The following EXOC6B variants were observed in gnomAD, a reference collection of about 807,000 sequenced individuals.
The protein encoded by EXOC6B is exocyst complex component 6B, also known as SEC15 homolog B.
A neutral mutation model predicts 113.5 loss-of-function variants in EXOC6B; 54 were observed. The ratio of observed to expected loss-of-function variants is 0.48; its 90% CI spans 0.38 to 0.60. The LOEUF is 0.60. Ranked by LOEUF, EXOC6B falls within the 20% of genes least tolerant of loss-of-function variation. The pLI is 0.00. For missense variants in EXOC6B, 797 were observed against 977.5 expected, an observed-to-expected ratio of 0.82 and a Z score of 2.46; for synonymous variants, 357 against 339.0, an observed-to-expected ratio of 1.05 and a Z score of -0.58.
intron 18 of EXOC6B, among the ~76,000 whole-genome samples, chr2:72,385,762 TACA>T (rs959759405): frequency 6.6e-6 from 1 of 152,108 alleles, no homozygotes; most frequent in African/African-American, 2.4e-5. Context: ...TGAAAACATG[TACA>T]ACATCACTAG....
chr2:72,699,949 T>A (rs1260353091), intron 6 of EXOC6B, among the ~76,000 whole-genome samples: 1 of 152,168 alleles, frequency 6.6e-6, no homozygotes, highest in Admixed American at 6.5e-5. Context: ...CAAATACCAG[T>A]ATCTGTGGAT....
At chr2:72,655,535 G>A (rs1228826016) in intron 6 of EXOC6B, among the ~76,000 whole-genome samples, 1 of 151,920 alleles carries the variant, frequency 6.6e-6, no homozygotes, top group African/African-American at 2.4e-5. Flanking sequence ...ATTTACGGTG[G>A]TTCCAAAACA....
intron 6 of EXOC6B, among the ~76,000 whole-genome samples, chr2:72,643,814 T>A (rs1365058336): frequency 2.9e-5 from 4 of 136,362 alleles, no homozygotes; most frequent in East Asian, 4.0e-4. Context: ...AATTAAAAAA[T>A]AAATAAATAA....
At chr2:72,664,073 C>T (rs548579204) in intron 6 of EXOC6B, among the ~76,000 whole-genome samples, 9 of 152,016 alleles carry the variant, frequency 5.9e-5, no homozygotes, top group African/African-American at 1.2e-4. Context: ...CTCTGGGAGA[C>T]GAGGCAGGAA....
intron 18 of EXOC6B, among the ~76,000 whole-genome samples, chr2:72,421,886 C>T (rs1032769098): frequency 2.0e-5 from 3 of 152,330 alleles, no homozygotes; most frequent in Non-Finnish European, 2.9e-5. Context: ...GCTGGAGTTC[C>T]GGGTGGGCAT....
chr2:72,704,621 C>T (rs994585835), intron 6 of EXOC6B, among the ~76,000 whole-genome samples: 101 of 152,042 alleles, frequency 6.6e-4, no homozygotes, highest in African/African-American at 2.3e-3. Flanking sequence ...ATCAAATAGA[C>T]GCAATAAAAA....
chr2:72,601,288 T>G (rs1187971746), intron 6 of EXOC6B, among the ~76,000 whole-genome samples: 1 of 152,050 alleles, frequency 6.6e-6, no homozygotes, highest in Non-Finnish European at 1.5e-5. Flanking sequence ...GTTCACACCA[T>G]TCTCCTGCCT....
intron 20 of EXOC6B, among the ~76,000 whole-genome samples, chr2:72,202,622 G>A (rs1679555527): frequency 6.6e-6 from 1 of 151,718 alleles, no homozygotes. Context: ...TTTATACCAT[G>A]AGCAAGCTGT....
At chr2:72,362,653 T>C (rs1397062952) in intron 19 of EXOC6B, among the ~76,000 whole-genome samples, 4 of 152,126 alleles carry the variant, frequency 2.6e-5, no homozygotes, top group African/African-American at 7.2e-5. Context: ...ATCATACAAA[T>C]ATATGCTGAG....
intron 11 of EXOC6B, among the ~76,000 whole-genome samples, chr2:72,511,898 T>C (rs1490420804): frequency 2.0e-5 from 3 of 152,244 alleles, no homozygotes; most frequent in Admixed American, 6.5e-5. Flanking sequence ...TGGATGATTT[T>C]TAAGTTTCTA....
At chr2:72,540,342 A>C (rs1185074297) in intron 8 of EXOC6B, among the ~76,000 whole-genome samples, 6 of 152,146 alleles carry the variant, frequency 3.9e-5, no homozygotes, top group African/African-American at 1.4e-4. Flanking sequence ...TTACAGAAAA[A>C]TTATAAGGAG....
At chr2:72,403,809 A>G (rs1693518415) in intron 18 of EXOC6B, among the ~76,000 whole-genome samples, 1 of 152,198 alleles carries the variant, frequency 6.6e-6, no homozygotes, top group Non-Finnish European at 1.5e-5. Context: ...TGATTTCTGC[A>G]TTTCCAACTG....
rs182063885 is a variant in EXOC6B, at chr2:72,632,350, T to A, written c.670-56682A>T. ...CTCTCTGAAAGAATCAGTAAAAATG[T>A]AAATGTAAAATATCAATTTGGAAAA... On this transcript the variant is annotated intron_variant, in intron 6 of 21. Transcript: ENST00000272427. Among the ~76,000 whole-genome samples the A allele has an allele frequency of 2.0e-5, 3 of 152,308 alleles. No individual in the cohort carries two copies. The East Asian group carries it at 5.8e-4, about 29-fold the overall frequency.
At chr2:72,686,134 C>T (rs908091680) in intron 6 of EXOC6B, among the ~76,000 whole-genome samples, 10 of 152,132 alleles carry the variant, frequency 6.6e-5, no homozygotes, top group Non-Finnish European at 1.5e-5. Context: ...CAATTTTCTC[C>T]GGACAGAGGA....
intron 6 of EXOC6B, among the ~76,000 whole-genome samples, chr2:72,676,794 G>A (rs1025183362): frequency 3.9e-5 from 6 of 152,072 alleles, no homozygotes; most frequent in East Asian, 1.9e-4. Flanking sequence ...AAGAAAAATC[G>A]TCCCTACCTA....
intron 6 of EXOC6B, among the ~76,000 whole-genome samples, chr2:72,648,128 C>G (rs999748188): frequency 6.6e-6 from 1 of 152,172 alleles, no homozygotes; most frequent in African/African-American, 2.4e-5. Flanking sequence ...AGGATATGAA[C>G]AGCCACTTCT....
At chr2:72,239,237 T>C (rs1013046084) in intron 20 of EXOC6B, among the ~76,000 whole-genome samples, 3 of 151,110 alleles carry the variant, frequency 2.0e-5, no homozygotes, top group African/African-American at 7.4e-5. Flanking sequence ...TTTTTTCGAG[T>C]GTGTGTTTAT....
intron 8 of EXOC6B, among the ~76,000 whole-genome samples, chr2:72,536,487 C>G (rs1702298722): frequency 6.6e-6 from 1 of 152,078 alleles, no homozygotes; most frequent in Admixed American, 6.5e-5. Context: ...TTTTAAATAT[C>G]TTACCATCAC....
At position 72,419,157 on chromosome 2, in the gene EXOC6B, G is replaced by T. The variant is rs1049405599; in HGVS notation, c.1981-39287C>A. Among the ~76,000 whole-genome samples the T allele has an allele frequency of 8.6e-5, 13 of 152,032 alleles. No homozygotes were observed. In the South Asian group the frequency reaches 1.0e-3, roughly 12 times the overall value. On this transcript the variant is annotated intron_variant, in intron 18 of 21. Coordinates refer to ENST00000272427, the MANE Select transcript of EXOC6B (RefSeq NM_015189.3). ...CAACAAATTTACAAATTTATATAGT[G>T]TATGTCTGAAAAACTAGATGAATAA... is the stretch of plus-strand genomic sequence containing the variant.
Sources: gnomAD v4.1 joint callset for allele counts (sites outside exome capture counted in the v4.1 genomes callset) on GRCh38, gnomAD v4.1.1 for gene constraint, MANE v1.5 for transcripts, NCBI Gene and HGNC (gene_info 2026-07-23, HGNC 2026-07-21) for gene names.